IGSF21: variants seen among roughly 807,000 people sequenced by gnomAD.
IGSF21 encodes the protein immunoglobin superfamily member 21, also known as immunoglobulin superfamily member 21.
Under a neutral mutation model 46.8 loss-of-function variants are expected in IGSF21, and 28 were observed. The observed-to-expected ratio is 0.60, with a 90% CI of 0.44 to 0.82. IGSF21 has a LOEUF of 0.82. IGSF21 is among the 40% of genes least tolerant of loss of function. The pLI is 0.00. For synonymous variants in IGSF21, 284 were observed against 273.6 expected, an observed-to-expected ratio of 1.04 and a Z score of -0.38; for missense variants, 624 against 665.5, an observed-to-expected ratio of 0.94 and a Z score of 0.69.
intron 2 of IGSF21, among the ~76,000 whole-genome samples, chr1:18,273,580 C>T (rs548989303): frequency 4.0e-4 from 60 of 149,618 alleles, no homozygotes; most frequent in African/African-American, 1.4e-3. Context: ...TCTCTGGGGA[C>T]AACAAAACAA....
chr1:18,152,210 C>T (rs2086527195), intron 1 of IGSF21, among the ~76,000 whole-genome samples: 1 of 152,220 alleles, frequency 6.6e-6, no homozygotes, highest in Non-Finnish European at 1.5e-5. Flanking sequence ...ATCCACAGTG[C>T]TCCTGCCCTC....
intron 6 of IGSF21, among the ~76,000 whole-genome samples, chr1:18,370,993 T>C (rs923874487): frequency 2.0e-5 from 3 of 152,228 alleles, no homozygotes; most frequent in African/African-American, 2.4e-5. Flanking sequence ...AAAATGGTAC[T>C]ACTACTTTGA....
At chr1:18,310,921 G>C (rs1478495848) in intron 3 of IGSF21, among the ~76,000 whole-genome samples, 1 of 152,094 alleles carries the variant, frequency 6.6e-6, no homozygotes, top group Non-Finnish European at 1.5e-5. Flanking sequence ...CTGTGTGTCT[G>C]TCTCTCTGTC....
At chr1:18,294,137 T>C (rs1297241273) in intron 3 of IGSF21, among the ~76,000 whole-genome samples, 1 of 152,218 alleles carries the variant, frequency 6.6e-6, no homozygotes, top group African/African-American at 2.4e-5. Flanking sequence ...TCCTGCCTCT[T>C]CCACATCCTG....
Position 18,290,050 on chromosome 1 carries a change from C to T in IGSF21, c.184-1816C>T, listed in dbSNP as rs2124564007. Among the ~76,000 whole-genome samples the T allele has an allele frequency of 6.6e-6, 1 of 152,306 alleles. No individual in the cohort carries two copies. The highest frequency in any genetic ancestry group is 2.4e-5 in the African/African-American group (1 of 41,566). On this transcript the variant is annotated intron_variant, in intron 2 of 9. Transcript: ENST00000251296. The surrounding 1 kb of genome is among the most constrained non-coding windows in gnomAD (Gnocchi z 4.2). Reference sequence around the variant, plus strand: ...TCTCCACCCCATGCCAAGCTGGACACAGTCAACTCAGGGACATTCTTCTGG... The same window carrying T: ...TCTCCACCCCATGCCAAGCTGGACATAGTCAACTCAGGGACATTCTTCTGG...
At chr1:18,294,779 G>A (rs1485468555) in intron 3 of IGSF21, among the ~76,000 whole-genome samples, 2 of 152,252 alleles carry the variant, frequency 1.3e-5, no homozygotes, top group Non-Finnish European at 2.9e-5. Flanking sequence ...AGGGAAGGAA[G>A]GAGCAGACCC....
intron 1 of IGSF21, among the ~76,000 whole-genome samples, chr1:18,216,615 A>T (rs1219028319): frequency 6.6e-6 from 1 of 151,920 alleles, no homozygotes; most frequent in Admixed American, 6.6e-5. Flanking sequence ...CAGTTGTGAG[A>T]GTTATTGGAG....
chr1:18,297,558 G>T (rs917180208), intron 3 of IGSF21, among the ~76,000 whole-genome samples: 1 of 152,060 alleles, frequency 6.6e-6, no homozygotes, highest in Non-Finnish European at 1.5e-5. Context: ...GATGAGTGTG[G>T]TGAAGGGAAT....
chr1:18,201,723 G>T lies in IGSF21; in HGVS notation c.71-26175G>T, dbSNP rs144761636. ...CTCTCATTGGGGTGTGTGTCGGGGGGTCTGTCCGTTACTGGCATCCCTCTC... is the reference window on the plus strand; with the variant it reads ...CTCTCATTGGGGTGTGTGTCGGGGGTTCTGTCCGTTACTGGCATCCCTCTC... On this transcript the variant is annotated intron_variant, in intron 1 of 9. Transcript: ENST00000251296. 7.1e-3 allele frequency among the ~76,000 whole-genome samples: 1,086 copies of T among 152,222 alleles called. 13 individuals are homozygous for T. Among genetic ancestry groups the T allele is most frequent in the African/African-American group, 0.025 (1,039 of 41,524 alleles).
chr1:18,324,616 C>G (rs1451516931), intron 3 of IGSF21, among the ~76,000 whole-genome samples: 1 of 152,192 alleles, frequency 6.6e-6, no homozygotes, highest in Non-Finnish European at 1.5e-5. Context: ...AGCTGGTCAC[C>G]CTGGTTAAGA....
chr1:18,263,210 A>C (rs572054922), intron 2 of IGSF21, among the ~76,000 whole-genome samples: 4 of 152,308 alleles, frequency 2.6e-5, no homozygotes, highest in African/African-American at 9.6e-5. Context: ...CTAGTTTATA[A>C]TAGCACTGGG....
chr1:18,304,759 C>T (rs2085395739), intron 3 of IGSF21, among the ~76,000 whole-genome samples: 1 of 151,480 alleles, frequency 6.6e-6, no homozygotes, highest in African/African-American at 2.4e-5. Flanking sequence ...TATCCTTTTC[C>T]TTCTTCTAAG....
chr1:18,311,404 C>T lies in IGSF21; in HGVS notation c.305+19417C>T, dbSNP rs377091537. On this transcript the variant is annotated intron_variant, in intron 3 of 9. Coordinates refer to ENST00000251296, the MANE Select transcript of IGSF21 (RefSeq NM_032880.5). The stretch of plus-strand genomic sequence containing the variant: ...AGTTCAGCAGGCCCTCCCTCTGCTT[C>T]GTCTCTGCACTTTGGTCATTCTGGA... Among the ~76,000 whole-genome samples the T allele has an allele frequency of 2.1e-4, 32 of 152,322 alleles. No homozygotes were observed. In the East Asian group the frequency reaches 5.8e-3, roughly 28 times the overall value.
intron 1 of IGSF21, among the ~76,000 whole-genome samples, chr1:18,223,002 C>G (rs2084526213): frequency 6.6e-6 from 1 of 152,208 alleles, no homozygotes; most frequent in Non-Finnish European, 1.5e-5. Context: ...TTTCCACCTT[C>G]TCCCTCCTCA....
intron 2 of IGSF21, among the ~76,000 whole-genome samples, chr1:18,262,637 T>C (rs533976553): frequency 6.6e-6 from 1 of 152,266 alleles, no homozygotes; most frequent in East Asian, 1.9e-4. Flanking sequence ...AGAGGTCTGG[T>C]TCCTGGAGAG....
chr1:18,364,320 A>G (rs2086136096), intron 5 of IGSF21, among the ~76,000 whole-genome samples: 1 of 152,062 alleles, frequency 6.6e-6, no homozygotes, highest in South Asian at 2.1e-4. Context: ...AACGCAGGCT[A>G]TCATGTGCAG....
chr1:18,315,840 T>TG (rs1253813714), intron 3 of IGSF21, among the ~76,000 whole-genome samples: 1 of 150,280 alleles, frequency 6.7e-6, no homozygotes, highest in Non-Finnish European at 1.5e-5. Context: ...GATAGGTAGA[T>TG]GGGGGGTGAG....
chr1:18,281,108 T>A (rs1320075688), intron 2 of IGSF21, among the ~76,000 whole-genome samples: 1 of 152,138 alleles, frequency 6.6e-6, no homozygotes, highest in East Asian at 1.9e-4. Flanking sequence ...TGTTTATGAA[T>A]GAAGAAATGA....
chr1:18,182,929 G>C (rs375459994), intron 1 of IGSF21, among the ~76,000 whole-genome samples: 1 of 152,110 alleles, frequency 6.6e-6, no homozygotes, highest in Non-Finnish European at 1.5e-5. Context: ...TGAATCACAC[G>C]AGGCCTGGTG....
Sources: gnomAD v4.1 joint callset for allele counts (sites outside exome capture counted in the v4.1 genomes callset) on GRCh38, gnomAD v4.1.1 for gene constraint, Gnocchi (gnomAD v3.1) non-coding constraint, MANE v1.5 for transcripts, NCBI Gene and HGNC (gene_info 2026-07-23, HGNC 2026-07-21) for gene names.